SPATA24: variants seen among roughly 807,000 people sequenced by gnomAD.
SPATA24 encodes spermatogenesis associated 24, also known as spermatogenesis-associated protein 24.
A neutral mutation model predicts 28.9 loss-of-function variants in SPATA24; 21 were observed. The observed-to-expected ratio is 0.73, with a 90% CI of 0.52 to 1.05. SPATA24 has a LOEUF of 1.05. Ranked by LOEUF, SPATA24 falls within the 50% of genes least tolerant of loss-of-function variation. The pLI is 0.00. For synonymous variants in SPATA24, 76 were observed against 89.9 expected (o/e 0.85, Z 0.88); for missense variants, 215 against 242.9 (o/e 0.88, Z 0.76).
downstream of SPATA24, chr5:139,396,709 G>A (rs1249281810): frequency 1.1e-5 from 17 of 1,548,340 alleles, no homozygotes; most frequent in African/African-American, 5.5e-5. Flanking sequence ...AAGAGGGAGG[G>A]AAGTAGCAGG....
downstream of SPATA24, chr5:139,394,362 C>T (rs1416704140): frequency 1.2e-5 from 17 of 1,418,042 alleles, no homozygotes; most frequent in Non-Finnish European, 1.5e-5. Context: ...GGGGGCCCAG[C>T]GACTCGTCCA....
At chr5:139,394,514 C>CCA (rs1758660113), downstream of SPATA24, 5 of 1,452,966 alleles carry the variant, frequency 3.4e-6, no homozygotes, top group Non-Finnish European at 3.6e-6. Context: ...AGAGCCACCT[C>CCA]CACACACTCG....
chr5:139,396,982 G>A (rs1475324954), intron 5 of SPATA24, 53 bp from the exon 6 acceptor site: 5 of 1,551,492 alleles, frequency 3.2e-6, no homozygotes, highest in Non-Finnish European at 4.4e-6. Flanking sequence ...GTAGGTAGGG[G>A]CCAGAGGTCT....
chr5:139,396,969 A>C, intron 5 of SPATA24, 40 bp from the exon 6 acceptor site: 1 of 1,551,538 alleles, frequency 6.4e-7, no homozygotes, highest in Non-Finnish European at 8.7e-7. Context: ...TGGACAGCCA[A>C]GGGTAGGTAG....
At chr5:139,392,782 C>A, downstream of SPATA24, 1 of 1,450,374 alleles carries the variant, frequency 6.9e-7, no homozygotes, top group Non-Finnish European at 9.1e-7. This position sits in a 1 kb window ranked among gnomAD's most constrained non-coding sequence, Gnocchi z 5.8. Flanking sequence ...GGGGACCAGG[C>A]GCTGGGCCTC....
downstream of SPATA24, chr5:139,396,672 C>T: frequency 6.5e-7 from 1 of 1,536,138 alleles, no homozygotes; most frequent in South Asian, 1.2e-5. Context: ...CTACAAGCCC[C>T]CACCTTGTGG....
At chr5:139,393,105 C>G, downstream of SPATA24, 2 of 1,523,310 alleles carry the variant, frequency 1.3e-6, no homozygotes, top group Middle Eastern at 3.4e-4. Flanking sequence ...ATTCGCCGCC[C>G]TCCTCCCCGC....
At chr5:139,393,004 TGC>T, downstream of SPATA24, 1 of 1,517,452 alleles carries the variant, frequency 6.6e-7, no homozygotes. Flanking sequence ...CTCGTAGGGG[TGC>T]GGCACCACCG....
downstream of SPATA24, chr5:139,394,309 T>C (rs887438950): frequency 1.3e-6 from 2 of 1,502,774 alleles, no homozygotes; most frequent in African/African-American, 2.8e-5. Context: ...GGGGCTCAGT[T>C]TTCTGGCCAA....
At chr5:139,394,808 G>A (rs781563379), downstream of SPATA24, 9 of 1,529,442 alleles carry the variant, frequency 5.9e-6, no homozygotes, top group South Asian at 1.1e-4. Flanking sequence ...CCGGAACCTG[G>A]GCCTCGCGGG....
chr5:139,397,424 A>G (rs773863026), intron 4 of SPATA24, among the ~76,000 whole-genome samples: 1 of 152,202 alleles, frequency 6.6e-6, no homozygotes, highest in Non-Finnish European at 1.5e-5. Flanking sequence ...GCCTGACCAA[A>G]GGCTGGAAGA....
downstream of SPATA24, chr5:139,392,617 G>T: frequency 7.2e-7 from 1 of 1,380,148 alleles, no homozygotes. This position sits in a 1 kb window ranked among gnomAD's most constrained non-coding sequence, Gnocchi z 5.8. Context: ...GGGGGCCGTA[G>T]GTGGTGTCTT....
chr5:139,396,110 C>A (rs1758700053), downstream of SPATA24: 1 of 918,714 alleles, frequency 1.1e-6, no homozygotes, highest in Non-Finnish European at 1.3e-6. Context: ...GCACTGCCCC[C>A]TCCTGTGCAC....
At chr5:139,395,125 C>A, downstream of SPATA24, 1 of 1,378,306 alleles carries the variant, frequency 7.3e-7, no homozygotes, top group South Asian at 1.7e-5. Context: ...CATTCGCCTC[C>A]GCTGGTGGCG....
intron 1 of SPATA24, 147 bp downstream of exon 1, chr5:139,403,797 C>A (rs1758872396): frequency 1.1e-5 from 7 of 660,612 alleles, no homozygotes; most frequent in Non-Finnish European, 1.8e-5. Flanking sequence ...TTTGGCTCCA[C>A]CCCTACCGAC....
chr5:139,398,116 C>G (rs1042842164), intron 4 of SPATA24, among the ~76,000 whole-genome samples: 1 of 152,182 alleles, frequency 6.6e-6, no homozygotes, highest in African/African-American at 2.4e-5. Flanking sequence ...ACAAACTTCC[C>G]GAGGGCTGGC....
intron 1 of SPATA24, 79 bp from the exon 2 acceptor site, chr5:139,402,772 A>G (rs1360504023): frequency 7.4e-6 from 8 of 1,076,146 alleles, no homozygotes; most frequent in African/African-American, 1.6e-5. Flanking sequence ...CCAAAAGCGG[A>G]TAACAGGATG....
chr5:139,392,639 C>T, downstream of SPATA24: 1 of 1,388,868 alleles, frequency 7.2e-7, no homozygotes, highest in Non-Finnish European at 9.3e-7. The surrounding 1 kb of genome is among the most constrained non-coding windows in gnomAD (Gnocchi z 5.8). Flanking sequence ...GGTTTGGGTG[C>T]TATCCCAGGG....
At chr5:139,401,367 T>C in intron 4 of SPATA24, 1 of 553,180 alleles carries the variant, frequency 1.8e-6, no homozygotes, top group South Asian at 2.6e-5. Context: ...ACATGCATCC[T>C]TCCCTATTGA....
Sources: gnomAD v4.1 joint callset for allele counts (sites outside exome capture counted in the v4.1 genomes callset) on GRCh38, gnomAD v4.1.1 for gene constraint, Gnocchi (gnomAD v3.1) non-coding constraint, MANE v1.5 for transcripts, NCBI Gene and HGNC (gene_info 2026-07-23, HGNC 2026-07-21) for gene names.